Variants in UBR3 observed in about 807,000 individuals in gnomAD.
UBR3 encodes the protein E3 ubiquitin-protein ligase UBR3.
UBR3 carries 85 observed loss-of-function variants against 243.2 expected under a neutral mutation model. The observed-to-expected ratio is 0.35, with a 90% confidence interval of 0.29 to 0.42. The LOEUF is 0.42. Ranked by LOEUF, UBR3 falls within the 10% of genes least tolerant of loss-of-function variation. UBR3 has a pLI of 1.00. For synonymous variants in UBR3, 748 were observed against 799.8 expected (o/e 0.94, Z 1.09); for missense variants, 1,686 against 2,300.8 (o/e 0.73, Z 5.47).
intron 1 of UBR3, among the ~76,000 whole-genome samples, chr2:169,853,406 CCTT>C (rs975242813): frequency 4.4e-4 from 66 of 151,618 alleles, no homozygotes; most frequent in Non-Finnish European, 7.2e-4. Flanking sequence ...TTCTTTTCTT[CCTT>C]CTTCTTCTTT....
chr2:169,940,726 C>G (rs2086549855), intron 19 of UBR3, among the ~76,000 whole-genome samples: 1 of 152,132 alleles, frequency 6.6e-6, no homozygotes, highest in Admixed American at 6.5e-5. Flanking sequence ...GTAATTCCCT[C>G]AAAATTTGCC....
intron 1 of UBR3, among the ~76,000 whole-genome samples, chr2:169,837,657 A>C (rs1186189167): frequency 2.6e-5 from 4 of 152,160 alleles, no homozygotes; most frequent in Non-Finnish European, 5.9e-5. Flanking sequence ...GATGCTTATA[A>C]AACCATTACA....
chr2:169,870,817 C>T (rs551721181), intron 1 of UBR3, among the ~76,000 whole-genome samples: 19 of 152,048 alleles, frequency 1.2e-4, no homozygotes, highest in African/African-American at 3.6e-4. Flanking sequence ...CCATGCCTGG[C>T]TAATTTTTGT....
chr2:169,847,720 G>A (rs2082530151), intron 1 of UBR3, among the ~76,000 whole-genome samples: 1 of 152,060 alleles, frequency 6.6e-6, no homozygotes. Context: ...ATACTACTGT[G>A]TCACCTATCT....
intron 11 of UBR3, among the ~76,000 whole-genome samples, chr2:169,914,880 TC>T (rs1368307103): frequency 6.7e-6 from 1 of 149,510 alleles, no homozygotes; most frequent in Non-Finnish European, 1.5e-5. Context: ...GTGTTTTTTT[TC>T]CTTTCTGTTT....
chr2:169,895,167 T>C lies in UBR3; in HGVS notation c.1106-14T>C, dbSNP rs765827978. On this transcript the variant is annotated splice_polypyrimidine_tract_variant and intron_variant, in intron 6 of 38. Transcript: ENST00000272793. ...TTCAATCATTAACTGATAAATTTCA[T>C]TTTTCATGTGCAGATCAATCCATAA... The C allele has an allele frequency of 2.0e-6, 3 of 1,490,362 alleles. No homozygotes were observed. The highest frequency in any genetic ancestry group is 2.7e-6 in the Non-Finnish European group (3 of 1,125,156). 92.3% of individuals were successfully genotyped at this position (1,490,362 alleles called of 1,614,324 possible). A position where few individuals can be genotyped will look rare whatever the true frequency, so the allele number is the denominator to read the frequency against.
At chr2:170,027,212 T>C (rs988644759) in intron 30 of UBR3, among the ~76,000 whole-genome samples, 17 of 151,652 alleles carry the variant, frequency 1.1e-4, no homozygotes, top group African/African-American at 3.9e-4. Context: ...ACCATATATG[T>C]ATCTGCCCGT....
Position 170,076,320 on chromosome 2 carries a change from T to A in UBR3, c.5199+2713T>A, listed in dbSNP as rs74814488. On this transcript the variant is annotated intron_variant, in intron 36 of 38. Coordinates refer to ENST00000272793, the MANE Select transcript of UBR3 (RefSeq NM_172070.4). ...CTAGTGGCCCACTACTTTCACATCT[T>A]ACCTGCCTGGCTCATACACACCCTT... is the stretch of plus-strand genomic sequence containing the variant. Among the ~76,000 whole-genome samples, 40 of 152,342 alleles carry A rather than the reference T, an allele frequency of 2.6e-4. No homozygotes were observed. The East Asian group carries it at 2.7e-3, about 10-fold the overall frequency.
intron 24 of UBR3, among the ~76,000 whole-genome samples, chr2:169,983,968 G>A (rs1271013097): frequency 1.3e-5 from 2 of 152,142 alleles, no homozygotes; most frequent in Admixed American, 6.5e-5. Context: ...GGGTTATTTG[G>A]TAGCAAGAAT....
intron 35 of UBR3, among the ~76,000 whole-genome samples, chr2:170,068,541 C>G (rs754478593): frequency 2.0e-5 from 3 of 151,982 alleles, no homozygotes; most frequent in Non-Finnish European, 2.9e-5. Context: ...TAAGTTTCTA[C>G]CATATGAAGC....
At chr2:169,982,557 G>A (rs1234750468) in intron 24 of UBR3, among the ~76,000 whole-genome samples, 1 of 151,978 alleles carries the variant, frequency 6.6e-6, no homozygotes, top group Non-Finnish European at 1.5e-5. Context: ...TCACTCTGAT[G>A]ATGTTAAATT....
chr2:169,856,505 G>A (rs972491087), intron 1 of UBR3, among the ~76,000 whole-genome samples: 5 of 152,160 alleles, frequency 3.3e-5, no homozygotes, highest in Admixed American at 2.0e-4. Context: ...AGGTTGTAGC[G>A]AGCCGAGATC....
intron 1 of UBR3, among the ~76,000 whole-genome samples, chr2:169,858,727 G>A (rs1047201961): frequency 6.6e-6 from 1 of 152,074 alleles, no homozygotes; most frequent in Non-Finnish European, 1.5e-5. Flanking sequence ...AGCCTCCTGA[G>A]TAGCTGGGAT....
intron 6 of UBR3, among the ~76,000 whole-genome samples, chr2:169,894,250 G>A (rs1226671944): frequency 6.9e-6 from 1 of 144,458 alleles, no homozygotes; most frequent in Non-Finnish European, 1.5e-5. Flanking sequence ...TTGAGCTGAG[G>A]AGTTTGAGGC....
intron 36 of UBR3, among the ~76,000 whole-genome samples, chr2:170,074,902 A>G (rs4667615): frequency 0.051 from 7,757 of 152,262 alleles, 384 homozygotes; most frequent in African/African-American, 0.13. Flanking sequence ...TGCCTCATAT[A>G]TACTAGTCAC....
chr2:170,037,363 GA>G (rs1290001885), intron 31 of UBR3, among the ~76,000 whole-genome samples: 2 of 151,974 alleles, frequency 1.3e-5, no homozygotes, highest in African/African-American at 4.8e-5. Context: ...AAGGTTTTTA[GA>G]ACATTTTCTA....
chr2:170,073,255 C>T, intron 35 of UBR3, 173 bp from the exon 36 acceptor site: 1 of 641,682 alleles, frequency 1.6e-6, no homozygotes, highest in Non-Finnish European at 2.6e-6. Flanking sequence ...TTAGATATAA[C>T]AGCTAGGAAC....
chr2:170,057,721 A>T (rs1468750688), intron 33 of UBR3, among the ~76,000 whole-genome samples: 1 of 152,180 alleles, frequency 6.6e-6, no homozygotes, highest in African/African-American at 2.4e-5. Flanking sequence ...AAAAACACTT[A>T]ATAAAATACT....
chr2:170,038,574 G>C (rs1484843238), intron 31 of UBR3, among the ~76,000 whole-genome samples: 3 of 152,170 alleles, frequency 2.0e-5, no homozygotes, highest in Admixed American at 1.3e-4. Context: ...AGTGGCCATA[G>C]GGATGGCAAA....
Sources: allele counts gnomAD v4.1 joint callset (sites outside exome capture counted in the v4.1 genomes callset), GRCh38; gene constraint gnomAD v4.1.1; transcripts MANE v1.5; gene names NCBI Gene and HGNC (gene_info 2026-07-23, HGNC 2026-07-21).